ANK3: variants seen among roughly 807,000 people sequenced by gnomAD.
The protein encoded by ANK3 is ankyrin 3, also known as ankyrin-3.
In ANK3, 57 loss-of-function variants were observed where a neutral mutation model predicts 370.9. The ratio of observed to expected loss-of-function variants is 0.15; its 90% CI spans 0.12 to 0.19. The LOEUF (loss-of-function observed/expected upper bound fraction) is 0.19, where lower values mean the gene tolerates loss of function less well. Among genes scored for constraint, ANK3 ranks in the 10% least tolerant of loss-of-function variants. The pLI, the probability that ANK3 is intolerant of heterozygous loss-of-function variation, is 1.00. For synonymous variants in ANK3, 1,929 were observed against 1,946.3 expected, an observed-to-expected ratio of 0.99 and a Z score of 0.23; for missense variants, 4,439 against 5,302.1, an observed-to-expected ratio of 0.84 and a Z score of 5.06.
intron 2 of ANK3, among the ~76,000 whole-genome samples, chr10:60,593,130 TTAAAGA>T (rs1363074707): frequency 6.6e-6 from 1 of 152,238 alleles, no homozygotes; most frequent in Non-Finnish European, 1.5e-5. Context: ...AAGGGCTACC[TTAAAGA>T]TAATTAGCAG....
intron 2 of ANK3, among the ~76,000 whole-genome samples, chr10:60,524,421 T>C (rs1443753205): frequency 1.3e-5 from 2 of 152,110 alleles, no homozygotes; most frequent in Admixed American, 1.3e-4. Flanking sequence ...AGGGACCCAG[T>C]GGGAGATGAT....
At chr10:60,054,021 A>C (rs188155614) in intron 42 of ANK3, among the ~76,000 whole-genome samples, 13 of 152,304 alleles carry the variant, frequency 8.5e-5, no homozygotes, top group African/African-American at 2.9e-4. Context: ...ATTACTGACA[A>C]ACTCAGCTAA....
chr10:60,174,421 T>C (rs937716058), intron 18 of ANK3, among the ~76,000 whole-genome samples: 3 of 152,184 alleles, frequency 2.0e-5, no homozygotes, highest in Admixed American at 6.5e-5. Flanking sequence ...TTGCCTGCTT[T>C]GCAGGGTTCT....
chr10:60,579,784 A>T (rs2077726929), intron 2 of ANK3, among the ~76,000 whole-genome samples: 1 of 152,198 alleles, frequency 6.6e-6, no homozygotes, highest in East Asian at 1.9e-4. Context: ...AGACTGCAGG[A>T]CGTCAATCCT....
chr10:60,633,126 T>G (rs1409780702), intron 1 of ANK3, among the ~76,000 whole-genome samples: 2 of 152,308 alleles, frequency 1.3e-5, no homozygotes, highest in African/African-American at 4.8e-5. Context: ...TAACTAAAAT[T>G]TTCTTTAAAA....
intron 2 of ANK3, among the ~76,000 whole-genome samples, chr10:60,478,690 G>GT (rs2075134191): frequency 6.6e-6 from 1 of 152,092 alleles, no homozygotes; most frequent in South Asian, 2.1e-4. Context: ...CTACTACTGT[G>GT]TTTTTAAAGA....
chr10:60,128,462 C>T (rs2093889590), intron 25 of ANK3, among the ~76,000 whole-genome samples: 1 of 151,966 alleles, frequency 6.6e-6, no homozygotes, highest in Non-Finnish European at 1.5e-5. Flanking sequence ...TCACCGCAAC[C>T]TCTGCCTCCC....
At chr10:60,457,353 A>G (rs2064773719) in intron 2 of ANK3, among the ~76,000 whole-genome samples, 1 of 152,168 alleles carries the variant, frequency 6.6e-6, no homozygotes, top group Non-Finnish European at 1.5e-5. Flanking sequence ...AACCATTAGG[A>G]TCACTGTGCT....
At chr10:60,424,839 A>G (rs1366922659) in intron 2 of ANK3, among the ~76,000 whole-genome samples, 3 of 152,054 alleles carry the variant, frequency 2.0e-5, no homozygotes, top group Non-Finnish European at 2.9e-5. Flanking sequence ...TGCAGGGATT[A>G]CATGAGATGC....
At chr10:60,685,159 T>C in intron 1 of ANK3, 2 of 584,582 alleles carry the variant, frequency 3.4e-6, no homozygotes, top group Non-Finnish European at 5.8e-6. Flanking sequence ...TACAGCCTGG[T>C]TTGCCTGTCT....
intron 2 of ANK3, among the ~76,000 whole-genome samples, chr10:60,492,742 A>T (rs1387528704): frequency 6.7e-6 from 1 of 148,766 alleles, no homozygotes; most frequent in Non-Finnish European, 1.5e-5. Flanking sequence ...AGAAAGAAAA[A>T]AAAAAGAAAT....
intron 24 of ANK3, among the ~76,000 whole-genome samples, chr10:60,134,889 C>T (rs2094262533): frequency 6.6e-6 from 1 of 152,238 alleles, no homozygotes. Flanking sequence ...ATACACTTTG[C>T]ATGATCCTTT....
intron 1 of ANK3, among the ~76,000 whole-genome samples, chr10:60,328,131 C>T (rs945520004): frequency 6.6e-6 from 1 of 152,110 alleles, no homozygotes; most frequent in Non-Finnish European, 1.5e-5. Flanking sequence ...CTAGATATTT[C>T]CAAGATAGGG....
chr10:60,485,004 G>A (rs1483417559), intron 2 of ANK3, among the ~76,000 whole-genome samples: 1 of 151,806 alleles, frequency 6.6e-6, no homozygotes, highest in Non-Finnish European at 1.5e-5. Flanking sequence ...ATGACCATGA[G>A]AATCATCAAA....
intron 2 of ANK3, among the ~76,000 whole-genome samples, chr10:60,417,617 C>A (rs933792765): frequency 6.6e-6 from 1 of 152,160 alleles, no homozygotes; most frequent in African/African-American, 2.4e-5. Flanking sequence ...TAGCAACCTG[C>A]AGAAAGAATG....
chr10:60,569,045 C>T (rs2077528831), intron 2 of ANK3, among the ~76,000 whole-genome samples: 1 of 116,184 alleles, frequency 8.6e-6, no homozygotes, highest in Non-Finnish European at 2.0e-5. Context: ...GCCACCTAGT[C>T]TATTGTATTT....
intron 1 of ANK3, among the ~76,000 whole-genome samples, chr10:60,374,192 G>A (rs769413829): frequency 1.9e-4 from 29 of 151,904 alleles, no homozygotes; most frequent in Non-Finnish European, 3.5e-4. Context: ...CAGGGTCCTC[G>A]AGATAAAACA....
intron 2 of ANK3, among the ~76,000 whole-genome samples, chr10:60,506,291 G>GT (rs1567101755): frequency 2.0e-5 from 3 of 151,950 alleles, no homozygotes; most frequent in African/African-American, 4.8e-5. Flanking sequence ...CCCTTTAAAG[G>GT]ACTATGCAAA....
chr10:60,414,669 T>A (rs1240744034), intron 2 of ANK3, among the ~76,000 whole-genome samples: 1 of 151,984 alleles, frequency 6.6e-6, no homozygotes, highest in Non-Finnish European at 1.5e-5. Flanking sequence ...CAGAGAAGGG[T>A]AGATGGTTCA....
Sources: allele counts gnomAD v4.1 joint callset (sites outside exome capture counted in the v4.1 genomes callset), GRCh38; gene constraint gnomAD v4.1.1; transcripts MANE v1.5; gene names NCBI Gene and HGNC (gene_info 2026-07-23, HGNC 2026-07-21).